IL13RA1: variants seen among roughly 807,000 people sequenced by gnomAD.
IL13RA1 encodes the protein interleukin 13 receptor subunit alpha 1.
IL13RA1 carries 14 observed loss-of-function variants against 33.8 expected under a neutral mutation model. The ratio of observed to expected loss-of-function variants is 0.41; its 90% CI spans 0.27 to 0.65. IL13RA1 has a LOEUF of 0.65. IL13RA1 is among the 30% of genes least tolerant of loss of function. The probability of loss-of-function intolerance (pLI) is 0.28; values close to 1 mark genes in which losing one functional copy is unlikely to be tolerated. For missense variants in IL13RA1, 313 were observed against 327.0 expected (o/e 0.96, Z 0.33); for synonymous variants, 116 against 115.7 (o/e 1.00, Z -0.02).
intron 10 of IL13RA1, 127 bp from the exon 11 acceptor site, chrX:118,791,635 A>C (rs2017975426): frequency 6.2e-6 from 2 of 324,027 alleles, no homozygotes; most frequent in African/African-American, 2.7e-5. Context: ...AAAAAAAAAA[A>C]AACAGGAAAT....
chrX:118,789,520 A>T (rs1202502007), intron 10 of IL13RA1, among the ~76,000 whole-genome samples: 3 of 111,781 alleles, frequency 2.7e-5, no homozygotes, highest in Non-Finnish European at 5.7e-5. Flanking sequence ...ATTGGCTTGA[A>T]TTAATTCTTT....
chrX:118,773,915 TA>T lies in IL13RA1; in HGVS notation c.1047del (p.Leu349PhefsTer13). 9.2e-7 allele frequency: 1 copy of T among 1,088,263 alleles called. No individual in the cohort carries two copies. Among genetic ancestry groups the T allele is most frequent in the Non-Finnish European group, 1.3e-6 (1 of 783,266 alleles). The allele number at this position is 1,088,263 out of a possible 1,213,427, so 89.7% of individuals were successfully genotyped here. ...KRNSTLYITM[L>X]LIVPVIVAGA... Reference sequence around the variant, plus strand: ...AATTCCACACTCTACATAACCATGTTACTCATTGTTCCAGTCATCGTCGCAG... The same window carrying T: ...AATTCCACACTCTACATAACCATGTTCTCATTGTTCCAGTCATCGTCGCAG... On this transcript the variant is annotated frameshift_variant, in exon 9 of 11. Transcript: ENST00000371666. LOFTEE classifies it high-confidence loss of function.
chrX:118,767,163 T>G (rs1208619045), intron 8 of IL13RA1, among the ~76,000 whole-genome samples, 187 bp downstream of exon 8: 1 of 112,211 alleles, frequency 8.9e-6, no homozygotes, highest in Non-Finnish European at 1.9e-5. Flanking sequence ...AGTATACAGT[T>G]ATTTAGAAAA....
At chrX:118,754,505 C>T (rs969897656) in intron 4 of IL13RA1, among the ~76,000 whole-genome samples, 4 of 109,501 alleles carry the variant, frequency 3.7e-5, no homozygotes, top group Admixed American at 9.8e-5. Context: ...GGCGTGGTGG[C>T]GGGCACCTGT....
At chrX:118,745,307 G>A (rs112808584) in intron 2 of IL13RA1, among the ~76,000 whole-genome samples, 2,981 of 111,728 alleles carry the variant, frequency 0.027, 48 homozygotes, top group Non-Finnish European at 0.042. Context: ...AGAATAGCTG[G>A]AGGCCCTACT....
chrX:118,778,742 A>T (rs2017811901), intron 10 of IL13RA1, among the ~76,000 whole-genome samples: 1 of 112,309 alleles, frequency 8.9e-6, no homozygotes, highest in African/African-American at 3.2e-5. Context: ...AACAACTTTC[A>T]CCAGCTATTG....
intron 4 of IL13RA1, among the ~76,000 whole-genome samples, chrX:118,752,930 G>A (rs1030347963): frequency 1.8e-5 from 2 of 112,234 alleles, no homozygotes; most frequent in African/African-American, 6.5e-5. Flanking sequence ...TTGTAGTAAA[G>A]TTTAGGGAGA....
chrX:118,800,359 C>A, the IL13RA1 span, among the ~76,000 whole-genome samples: 1 of 110,711 alleles, frequency 9.0e-6, no homozygotes, highest in African/African-American at 3.3e-5. Flanking sequence ...TGAGCTGTAA[C>A]ACTCACTGCG....
downstream of IL13RA1, among the ~76,000 whole-genome samples, chrX:118,795,301 A>G (rs755293587): frequency 5.4e-5 from 6 of 110,904 alleles, no homozygotes; most frequent in African/African-American, 1.3e-4. Context: ...CATATTTTCT[A>G]TAACTACAGC....
chrX:118,780,380 G>A (rs756669040), intron 10 of IL13RA1, among the ~76,000 whole-genome samples: 32 of 112,831 alleles, frequency 2.8e-4, no homozygotes, highest in Non-Finnish European at 5.2e-4. Context: ...TCTCTTTAGA[G>A]ATGGGGACAT....
chrX:118,771,847 G>T (rs2495625), intron 8 of IL13RA1, among the ~76,000 whole-genome samples: 27 of 110,653 alleles, frequency 2.4e-4, no homozygotes, highest in African/African-American at 6.2e-4. Flanking sequence ...GGTGGCAGAT[G>T]CCTGTAGTTC....
intron 10 of IL13RA1, among the ~76,000 whole-genome samples, chrX:118,784,459 T>C (rs1031407080): frequency 9.1e-6 from 1 of 110,393 alleles, no homozygotes; most frequent in African/African-American, 3.3e-5. Context: ...TTCTGAACTT[T>C]TGATATAAAA....
intron 10 of IL13RA1, among the ~76,000 whole-genome samples, chrX:118,787,747 G>A (rs761498664): frequency 3.6e-5 from 4 of 111,707 alleles, no homozygotes; most frequent in South Asian, 3.8e-4. Flanking sequence ...GATATTTCTC[G>A]TACCTGTTTT....
At chrX:118,763,366 A>G (rs1316594875) in intron 6 of IL13RA1, among the ~76,000 whole-genome samples, 1 of 111,898 alleles carries the variant, frequency 8.9e-6, no homozygotes, top group Non-Finnish European at 1.9e-5. Flanking sequence ...AACCCTAAGG[A>G]TCTAGGTCCT....
chrX:118,790,457 AAGTC>A (rs2017963627), intron 10 of IL13RA1, among the ~76,000 whole-genome samples: 1 of 112,156 alleles, frequency 8.9e-6, no homozygotes, highest in Non-Finnish European at 1.9e-5. Context: ...ATTCATGTAG[AAGTC>A]TTTGTGTGAC....
intron 8 of IL13RA1, among the ~76,000 whole-genome samples, chrX:118,771,339 C>T (rs746392758): frequency 8.9e-6 from 1 of 112,090 alleles, no homozygotes; most frequent in Non-Finnish European, 1.9e-5. Context: ...AGAGTGAGAC[C>T]CACAAATTAT....
At chrX:118,741,836 T>G (rs1029481393) in intron 2 of IL13RA1, among the ~76,000 whole-genome samples, 5 of 110,987 alleles carry the variant, frequency 4.5e-5, no homozygotes, top group Non-Finnish European at 9.4e-5. Context: ...GTTGGGTGTT[T>G]GGGGTTGAAT....
At chrX:118,738,935 A>G (rs1393350432) in intron 1 of IL13RA1, among the ~76,000 whole-genome samples, 1 of 109,137 alleles carries the variant, frequency 9.2e-6, no homozygotes, top group East Asian at 2.9e-4. Context: ...TTACAGTTGT[A>G]CACCACCATG....
At chrX:118,754,423 G>A (rs774861676) in intron 4 of IL13RA1, among the ~76,000 whole-genome samples, 1 of 109,820 alleles carries the variant, frequency 9.1e-6, no homozygotes, top group South Asian at 3.9e-4. Flanking sequence ...GGATCATGAG[G>A]TCAGGAGATC....
Sources: allele counts gnomAD v4.1 joint callset (sites outside exome capture counted in the v4.1 genomes callset), GRCh38; gene constraint gnomAD v4.1.1; transcripts MANE v1.5; gene names NCBI Gene and HGNC (gene_info 2026-07-23, HGNC 2026-07-21).